The following RLF variants were observed in gnomAD, a reference collection of about 807,000 sequenced individuals.
RLF encodes the protein zinc finger protein Rlf.
RLF carries 7 observed loss-of-function variants against 162.9 expected under a neutral mutation model. That is an observed-to-expected ratio of 0.04 (90% CI 0.02 to 0.08). The LOEUF (loss-of-function observed/expected upper bound fraction) is 0.08, where lower values mean the gene tolerates loss of function less well. Ranked by LOEUF, RLF falls within the 10% of genes least tolerant of loss-of-function variation. The pLI is 1.00. For missense variants in RLF, 1,664 were observed against 2,244.7 expected (o/e 0.74, Z 5.23); for synonymous variants, 782 against 791.5 (o/e 0.99, Z 0.20).
At chr1:40,176,805 G>A (rs1333772409) in intron 1 of RLF, among the ~76,000 whole-genome samples, 1 of 152,028 alleles carries the variant, frequency 6.6e-6, no homozygotes, top group Admixed American at 6.6e-5. Flanking sequence ...CTTCTTTGAC[G>A]AAGTGTCCAA....
intron 4 of RLF, among the ~76,000 whole-genome samples, chr1:40,196,481 G>T (rs797000946): frequency 2.6e-5 from 4 of 152,008 alleles, no homozygotes; most frequent in African/African-American, 9.6e-5. Context: ...GAGATGCAAA[G>T]AATGAAGTTT....
At chr1:40,182,753 GTAGATAGATAGATAGA>G (rs10591738) in intron 1 of RLF, among the ~76,000 whole-genome samples, 25 of 148,874 alleles carry the variant, frequency 1.7e-4, no homozygotes, top group Middle Eastern at 3.4e-3. Flanking sequence ...AGATAGATAG[GTAGATAGATAGATAGA>G]TAGATAGATA....
chr1:40,221,650 C>T (rs1642996845), intron 5 of RLF, among the ~76,000 whole-genome samples: 1 of 151,632 alleles, frequency 6.6e-6, no homozygotes, highest in South Asian at 2.1e-4. Context: ...ACTGTAATCC[C>T]AGCACTTTGG....
chr1:40,200,867 TACACACACACACACACACACACACAC>T (rs71060356), intron 4 of RLF, among the ~76,000 whole-genome samples: 391 of 34,846 alleles, frequency 0.011, 5 homozygotes, highest in South Asian at 0.038. Flanking sequence ...ATTGCTACTC[TACACACACACACACACACACACACAC>T]ACACACACAC....
At chr1:40,229,061 AG>A (rs1435752566) in intron 6 of RLF, among the ~76,000 whole-genome samples, 9 of 152,168 alleles carry the variant, frequency 5.9e-5, no homozygotes, top group East Asian at 1.9e-4. Flanking sequence ...CTGAGGTTAT[AG>A]GGATGAACCA....
chr1:40,225,969 T>C (rs1643066861), intron 6 of RLF, among the ~76,000 whole-genome samples: 1 of 150,488 alleles, frequency 6.6e-6, no homozygotes, highest in Non-Finnish European at 1.5e-5. Flanking sequence ...GGAGAATCGC[T>C]TGAGCCTGGG....
chr1:40,179,762 C>A lies in RLF; in HGVS notation c.238-9293C>A, dbSNP rs1570521917. On this transcript the variant is annotated intron_variant, in intron 1 of 7. Transcript: ENST00000372771. ...ATACTAACTCCCCATTCCCTTTTTT[C>A]TTCACCTTCTGGCAACCATCATTCT... Among the ~76,000 whole-genome samples the A allele has an allele frequency of 3.3e-5, 5 of 152,026 alleles. No homozygotes were observed. The Middle Eastern group carries it at 0.014, about 417-fold the overall frequency.
chr1:40,236,695 C>T lies in RLF; in HGVS notation c.1993C>T (p.Leu665=). Residue 665 remains leucine, a synonymous_variant, in exon 8 of 8, where the codon CTG becomes TTG. Coordinates refer to ENST00000372771, the MANE Select transcript of RLF (RefSeq NM_012421.4). This position sits in a 1 kb window ranked among gnomAD's most constrained non-coding sequence, Gnocchi z 7.7. ...VTFSKLEDCH[L]QDRDLYPCPG... ...ATTCAGCAAATTAGAAGATTGCCAC[C>T]TGCAAGACAGAGATTTGTATCCATG... is the stretch of plus-strand genomic sequence containing the variant. The T allele has an allele frequency of 2.5e-6, 4 of 1,614,084 alleles. No individual in the cohort carries two copies. The highest frequency in any genetic ancestry group is 3.4e-6 in the Non-Finnish European group (4 of 1,180,012).
chr1:40,212,173 C>G (rs896290048), intron 5 of RLF, among the ~76,000 whole-genome samples: 1 of 152,132 alleles, frequency 6.6e-6, no homozygotes, highest in South Asian at 2.1e-4. Flanking sequence ...TATGTTGGTA[C>G]CTGGGGGTAT....
chr1:40,232,447 A>C (rs748918454), intron 7 of RLF, among the ~76,000 whole-genome samples: 1 of 152,124 alleles, frequency 6.6e-6, no homozygotes. Context: ...CTCTTCTAAG[A>C]TTATCATATT....
At chr1:40,215,434 G>C (rs2124549708) in intron 5 of RLF, among the ~76,000 whole-genome samples, 1 of 152,164 alleles carries the variant, frequency 6.6e-6, no homozygotes, top group Non-Finnish European at 1.5e-5. Context: ...CATAAAGTAT[G>C]TTCTCTAACT....
intron 4 of RLF, among the ~76,000 whole-genome samples, chr1:40,200,847 A>G (rs903476012): frequency 7.4e-5 from 10 of 135,048 alleles, no homozygotes; most frequent in African/African-American, 2.7e-4. Context: ...GTTTATCCTT[A>G]GTATAAACCA....
At chr1:40,222,794 A>C (rs1215754595) in intron 6 of RLF, 84 bp downstream of exon 6, 7 of 1,238,466 alleles carry the variant, frequency 5.7e-6, no homozygotes, top group Non-Finnish European at 8.0e-6. Flanking sequence ...ATTTGTTTCT[A>C]ATTTAAAACC....
At chr1:40,193,758 TGG>T (rs1642591776) in intron 3 of RLF, among the ~76,000 whole-genome samples, 1 of 151,754 alleles carries the variant, frequency 6.6e-6, no homozygotes, top group South Asian at 2.1e-4. Context: ...ACATATTGGG[TGG>T]GTGTGTGGGT....
At chr1:40,221,552 G>T (rs1410219742) in intron 5 of RLF, among the ~76,000 whole-genome samples, 1 of 151,330 alleles carries the variant, frequency 6.6e-6, no homozygotes, top group Admixed American at 6.6e-5. Context: ...CCACCCCCTT[G>T]TAACTGCGTA....
At position 40,169,643 on chromosome 1, in the gene RLF, AAAT is replaced by A. The variant is rs1463723062; in HGVS notation, c.237+8010_237+8012del. ...GTCTCAAAAAAAAAAAAAAAAAAAA[AAAT>A]AAGTGCTTCTTGAAATAAGGGTTCT... On this transcript the variant is annotated intron_variant, in intron 1 of 7. Coordinates refer to ENST00000372771, the MANE Select transcript of RLF (RefSeq NM_012421.4). 1.3e-3 allele frequency among the ~76,000 whole-genome samples: 197 copies of A among 150,954 alleles called. 1 individual carries two copies. The highest frequency in any genetic ancestry group is 4.3e-3 in the African/African-American group (177 of 41,060).
In RLF at chr1:40,195,719, GTTC is replaced by G; in HGVS notation, c.568_570del (p.Leu190del). On this transcript the variant is annotated inframe_deletion, in exon 4 of 8. Coordinates refer to ENST00000372771, the MANE Select transcript of RLF (RefSeq NM_012421.4). Reference sequence around the variant, plus strand: ...CAAGGAAGGGGTGTGGAAAAACCCAGTTCTTCTTAAAATTCTGTCTCAACAGCC... The same window carrying G: ...CAAGGAAGGGGTGTGGAAAAACCCAGTTCTTAAAATTCTGTCTCAACAGCC... The G allele has an allele frequency of 6.2e-7, 1 of 1,613,858 alleles. No homozygotes were observed. The highest frequency in any genetic ancestry group is 8.5e-7 in the Non-Finnish European group (1 of 1,179,896).
intron 5 of RLF, among the ~76,000 whole-genome samples, chr1:40,216,182 A>G (rs1443028500): frequency 1.3e-5 from 2 of 152,186 alleles, no homozygotes; most frequent in Non-Finnish European, 2.9e-5. Context: ...AAATTTCTAG[A>G]AAGATAAAAC....
chr1:40,240,444 A>C lies in RLF; in HGVS notation c.5742A>C (p.Ser1914=), dbSNP rs1265809923. 1 of 1,606,142 alleles carries C rather than the reference A, an allele frequency of 6.2e-7. No homozygotes were observed. Among genetic ancestry groups the C allele is most frequent in the Non-Finnish European group, 8.5e-7 (1 of 1,175,578 alleles). Residue 1914 remains serine, a synonymous_variant, in exon 8 of 8, where the codon TCA becomes TCC. Coordinates refer to ENST00000372771, the MANE Select transcript of RLF (RefSeq NM_012421.4). Reference sequence around the variant, plus strand: ...CAGATGAGCTTTGTGTAGGAAGTTCATAAGTAGCAATTTTGTTTTAGTAAC... The same window carrying C: ...CAGATGAGCTTTGTGTAGGAAGTTCCTAAGTAGCAATTTTGTTTTAGTAAC... ...KKTDELCVGS[S]
Sources: allele counts gnomAD v4.1 joint callset (sites outside exome capture counted in the v4.1 genomes callset), GRCh38; gene constraint gnomAD v4.1.1; non-coding constraint Gnocchi (gnomAD v3.1); transcripts MANE v1.5; gene names NCBI Gene and HGNC (gene_info 2026-07-23, HGNC 2026-07-21).